The following SVOPL variants were observed in gnomAD, a reference collection of about 807,000 sequenced individuals.
SVOPL encodes SVOP like, also known as putative transporter SVOPL.
SVOPL carries 60 observed loss-of-function variants against 61.0 expected under a neutral mutation model. The ratio of observed to expected loss-of-function variants is 0.98; its 90% CI spans 0.80 to 1.22. The LOEUF (loss-of-function observed/expected upper bound fraction) is 1.22, where lower values mean the gene tolerates loss of function less well. SVOPL is among the 50% of genes most tolerant of loss of function. The pLI is 0.00. For missense variants in SVOPL, 662 were observed against 643.9 expected (o/e 1.03, Z -0.30); for synonymous variants, 279 against 250.0 (o/e 1.12, Z -1.09).
At chr7:138,650,452 T>G (rs1417928044) in intron 7 of SVOPL, among the ~76,000 whole-genome samples, 1 of 151,798 alleles carries the variant, frequency 6.6e-6, no homozygotes, top group African/African-American at 2.4e-5. Context: ...TGTAAGACAT[T>G]CAAGTAACTA....
chr7:138,640,309 G>A (rs559716060), intron 9 of SVOPL, among the ~76,000 whole-genome samples: 9 of 151,630 alleles, frequency 5.9e-5, no homozygotes, highest in African/African-American at 1.2e-4. Flanking sequence ...TCGGCTCACC[G>A]CAATCTCTGC....
chr7:138,627,475 A>G lies in SVOPL; in HGVS notation c.1070-14T>C. On this transcript the variant is annotated splice_polypyrimidine_tract_variant and intron_variant, in intron 11 of 15. Coordinates refer to ENST00000674285, the MANE Select transcript of SVOPL (RefSeq NM_001139456.2). ...TTAAAGGATTCACTAGAAAGCAAAC[A>G]GTAAAGATAATTTCTGGAACCTTGG... 2 of 1,593,954 alleles carry G rather than the reference A, an allele frequency of 1.3e-6. No homozygotes were observed. Among genetic ancestry groups the G allele is most frequent in the Non-Finnish European group, 1.7e-6 (2 of 1,162,160 alleles).
At chr7:138,653,928 GTC>G (rs1285096756) in intron 7 of SVOPL, among the ~76,000 whole-genome samples, 1 of 45,310 alleles carries the variant, frequency 2.2e-5, no homozygotes, top group African/African-American at 9.3e-5. Context: ...GCAAGACTCT[GTC>G]TCAAAAAAAA....
At chr7:138,689,102 A>G in intron 1 of SVOPL, 1 of 772,540 alleles carries the variant, frequency 1.3e-6, no homozygotes, top group Non-Finnish European at 2.3e-6. Flanking sequence ...GTATGCATAT[A>G]TGAAAAGCCA....
At chr7:138,618,002 A>T (rs1799374616) in intron 14 of SVOPL, among the ~76,000 whole-genome samples, 1 of 152,164 alleles carries the variant, frequency 6.6e-6, no homozygotes, top group Admixed American at 6.5e-5. Flanking sequence ...TGAAAGTGAC[A>T]CCAAACCCTA....
intron 14 of SVOPL, among the ~76,000 whole-genome samples, chr7:138,598,116 T>A (rs1163100891): frequency 6.6e-6 from 1 of 152,254 alleles, no homozygotes; most frequent in African/African-American, 2.4e-5. Flanking sequence ...TACCTGATTA[T>A]AAAAATCATT....
intron 4 of SVOPL, among the ~76,000 whole-genome samples, chr7:138,671,423 C>T (rs755742347): frequency 6.6e-6 from 1 of 152,222 alleles, no homozygotes; most frequent in Non-Finnish European, 1.5e-5. Flanking sequence ...TCTTGGCTCA[C>T]TGCAACCTCC....
chr7:138,609,793 C>T (rs902459529), intron 14 of SVOPL, among the ~76,000 whole-genome samples: 1 of 151,692 alleles, frequency 6.6e-6, no homozygotes, highest in Non-Finnish European at 1.5e-5. Context: ...AATGCAGTGG[C>T]GTGATCTCAG....
chr7:138,621,842 CTATG>C (rs201233066), intron 13 of SVOPL, among the ~76,000 whole-genome samples: 19,664 of 98,778 alleles, frequency 0.2, 3,540 homozygotes, highest in Non-Finnish European at 0.23. Context: ...ATCTATCTAT[CTATG>C]TATCTATCTA....
intron 14 of SVOPL, among the ~76,000 whole-genome samples, chr7:138,618,706 G>A (rs1453654961): frequency 1.8e-5 from 2 of 112,896 alleles, no homozygotes; most frequent in Non-Finnish European, 2.1e-5. Context: ...GCGTGCACAC[G>A]CGCGAGAGAG....
chr7:138,615,707 A>T (rs1303373273), intron 14 of SVOPL, among the ~76,000 whole-genome samples: 1 of 94,358 alleles, frequency 1.1e-5, no homozygotes, highest in African/African-American at 2.9e-5. Context: ...AGGCAGGAGA[A>T]CTGTTTGAAC....
intron 1 of SVOPL, chr7:138,689,206 G>A: frequency 7.5e-7 from 1 of 1,341,470 alleles, no homozygotes; most frequent in South Asian, 1.2e-5. Flanking sequence ...GCCAAGCAGT[G>A]GGGCTGGACA....
intron 5 of SVOPL, 109 bp downstream of exon 5, chr7:138,662,965 A>G (rs1176132605): frequency 5.2e-6 from 8 of 1,549,314 alleles, no homozygotes; most frequent in African/African-American, 1.4e-5. Flanking sequence ...TGCATTTTCT[A>G]TCTTGGGTAT....
At chr7:138,629,237 A>AT (rs34587301) in intron 10 of SVOPL, among the ~76,000 whole-genome samples, 96,452 of 140,048 alleles carry the variant, frequency 0.69, 34,490 homozygotes, top group Middle Eastern at 0.82. Flanking sequence ...GCTCTTCATG[A>AT]TTTTTTTTTT....
intron 10 of SVOPL, 40 bp from the exon 11 acceptor site, chr7:138,628,403 C>T: frequency 6.3e-7 from 1 of 1,599,702 alleles, no homozygotes; most frequent in Non-Finnish European, 8.5e-7. Flanking sequence ...AACGCTGACA[C>T]CAGACCTGAA....
chr7:138,609,599 C>A (rs921653229), intron 14 of SVOPL, among the ~76,000 whole-genome samples: 2 of 151,424 alleles, frequency 1.3e-5, no homozygotes, highest in Non-Finnish European at 2.9e-5. Context: ...GTTGAGGTGG[C>A]AATAAGCTGT....
At chr7:138,620,451 A>G (rs1386669430) in intron 14 of SVOPL, among the ~76,000 whole-genome samples, 1 of 149,702 alleles carries the variant, frequency 6.7e-6, no homozygotes, top group Non-Finnish European at 1.5e-5. Flanking sequence ...AGCCAAAAAA[A>G]AAAAAAAAAA....
intron 9 of SVOPL, among the ~76,000 whole-genome samples, chr7:138,643,808 G>C (rs1263408168): frequency 1.4e-4 from 21 of 152,234 alleles, no homozygotes; most frequent in Non-Finnish European, 7.4e-5. Context: ...TTGTTAAGAT[G>C]AAGAGTTCTG....
At chr7:138,601,937 T>G (rs1246774721) in intron 14 of SVOPL, among the ~76,000 whole-genome samples, 1 of 152,232 alleles carries the variant, frequency 6.6e-6, no homozygotes, top group African/African-American at 2.4e-5. Flanking sequence ...TAACTGACTG[T>G]TCATCCCTTG....
Sources: allele counts gnomAD v4.1 joint callset (sites outside exome capture counted in the v4.1 genomes callset), GRCh38; gene constraint gnomAD v4.1.1; transcripts MANE v1.5; gene names NCBI Gene and HGNC (gene_info 2026-07-23, HGNC 2026-07-21).